Variants in NKTR observed in about 807,000 individuals in gnomAD.
NKTR encodes the protein natural killer cell triggering receptor.
NKTR carries 67 observed loss-of-function variants against 156.3 expected under a neutral mutation model. The ratio of observed to expected loss-of-function variants is 0.43; its 90% CI spans 0.35 to 0.53. The LOEUF (loss-of-function observed/expected upper bound fraction) is 0.53. Ranked by LOEUF, NKTR falls within the 20% of genes least tolerant of loss-of-function variation. The pLI is 0.01. For missense variants in NKTR, 1,604 were observed against 1,730.9 expected, an observed-to-expected ratio of 0.93 and a Z score of 1.30; for synonymous variants, 640 against 596.6, an observed-to-expected ratio of 1.07 and a Z score of -1.06.
intron 13 of NKTR, among the ~76,000 whole-genome samples, chr3:42,642,181 CTTAA>C (rs1709944250): frequency 6.6e-6 from 1 of 152,062 alleles, no homozygotes; most frequent in South Asian, 2.1e-4. Context: ...ATATCTCTAC[CTTAA>C]TGTTTTTTTA....
intron 6 of NKTR, chr3:42,630,254 T>G: frequency 8.6e-7 from 1 of 1,164,406 alleles, no homozygotes; most frequent in Non-Finnish European, 1.1e-6. Flanking sequence ...TTTATGTGTA[T>G]TCATGCTGTG....
intron 2 of NKTR, among the ~76,000 whole-genome samples, chr3:42,611,623 C>T (rs1308703491): frequency 6.6e-6 from 1 of 151,660 alleles, no homozygotes; most frequent in Non-Finnish European, 1.5e-5. Flanking sequence ...ATCCTAGCTA[C>T]TCGGGAGGCT....
rs766597913 is a variant in NKTR at position 42,642,551 on chromosome 3, G to A, written c.4097G>A (p.Arg1366Gln). 3.7e-6 allele frequency: 6 copies of A among 1,614,142 alleles called. No homozygotes were observed. The highest frequency in any genetic ancestry group is 1.1e-5 in the South Asian group (1 of 91,076). Residue 1366 changes from arginine (R) to glutamine (Q), a missense_variant, in exon 14 of 17, where the codon CGA (arginine) becomes CAA (glutamine). Physicochemically the swap from Arg to Gln is conservative, Grantham distance 43. Around this residue, in one of 6 missense-constraint regions of NKTR, gnomAD observed 193 missense variants for 220.2 expected, o/e 0.88. Coordinates refer to ENST00000232978, the MANE Select transcript of NKTR (RefSeq NM_005385.4). ...SRSRGWYSRGRTRSRSSSYRS... is the reference protein window; with the variant it reads ...SRSRGWYSRGQTRSRSSSYRS... ...AGCAGAGGATGGTACAGCAGAGGCC[G>A]AACCAGAAGCCGGAGCAGTTCCTAC...
chr3:42,632,866 C>G, intron 9 of NKTR, 43 bp downstream of exon 9: 1 of 1,458,094 alleles, frequency 6.9e-7, no homozygotes, highest in Non-Finnish European at 9.1e-7. Context: ...AAAACAAACA[C>G]TCTGGAATGG....
At chr3:42,609,933 A>G (rs1404763649) in intron 2 of NKTR, among the ~76,000 whole-genome samples, 2 of 152,180 alleles carry the variant, frequency 1.3e-5, no homozygotes, top group African/African-American at 4.8e-5. Flanking sequence ...TAATGTTTCA[A>G]ATGGTGATAA....
intron 2 of NKTR, chr3:42,603,193 C>G (rs1364303148): frequency 7.1e-6 from 1 of 141,836 alleles, no homozygotes; most frequent in Admixed American, 6.8e-5. Flanking sequence ...TAGCAAGACC[C>G]TGTCTACAAA....
chr3:42,618,662 G>C (rs898513023), intron 3 of NKTR, among the ~76,000 whole-genome samples: 1 of 152,006 alleles, frequency 6.6e-6, no homozygotes, highest in African/African-American at 2.4e-5. Context: ...TGGCCAAGCT[G>C]ATTTCAAACT....
At chr3:42,634,900 A>G in intron 11 of NKTR, 200 bp downstream of exon 11, 1 of 491,238 alleles carries the variant, frequency 2.0e-6, no homozygotes, top group Admixed American at 3.8e-5. Context: ...GTATGAAAGG[A>G]GGAACATGTG....
In NKTR at chr3:42,647,286, GT is replaced by G. The variant is rs1559601517; in HGVS notation, c.*1312del. ...AAAACTAGTGTGTGTGTGTGTGTGT[GT>G]GTGTGTGTGTGTGTGGTTTTTTTTT... On this transcript the variant is annotated 3_prime_UTR_variant, in exon 17 of 17. Transcript: ENST00000232978. 8 of 113,024 alleles carry G rather than the reference GT, an allele frequency of 7.1e-5. No individual in the cohort carries two copies. The highest frequency in any genetic ancestry group is 3.5e-4 in the African/African-American group (7 of 20,032). 7.0% of individuals were successfully genotyped at this position (113,024 alleles called of 1,614,324 possible).
Position 42,633,588 on chromosome 3 carries a change from A to G in NKTR, c.782A>G (p.Glu261Gly), listed in dbSNP as rs745434637. ...ACTTGGTTTGTTCTAAGTCACTCTG[A>G]GAGGAGTGATACCAATGAAAAAAGG... ...KHAMNPKGHS[E>G]RSDTNEKRSV... The change falls in exon 10 of 17, where the codon GAG becomes GGG. Residue 261 changes from glutamate to glycine, a missense_variant. By Grantham distance (98) the Glu-to-Gly change is moderately conservative. This residue lies in a region of NKTR where 1,255 missense variants were observed against 1,243.7 expected (regional missense o/e 1.01). Transcript: ENST00000232978. 2 of 1,613,242 alleles carry G rather than the reference A, an allele frequency of 1.2e-6. No individual in the cohort carries two copies. Among genetic ancestry groups the G allele is most frequent in the Non-Finnish European group, 1.7e-6 (2 of 1,179,268 alleles).
At chr3:42,610,286 G>A (rs6771105) in intron 2 of NKTR, among the ~76,000 whole-genome samples, 20,639 of 152,022 alleles carry the variant, frequency 0.14, 1,778 homozygotes, top group African/African-American at 0.23. Flanking sequence ...GATTATAGGC[G>A]TGAGCTACCA....
chr3:42,627,908 A>G, intron 6 of NKTR: 1 of 985,304 alleles, frequency 1.0e-6, no homozygotes, highest in Non-Finnish European at 1.2e-6. Context: ...AAGATTTTGA[A>G]AGATTAAGAG....
In NKTR at chr3:42,639,898, T is replaced by TTGTGTGATTCA. The variant is rs1709735177; in HGVS notation, c.4046+148_4046+149insTGTGTGATTCA. On this transcript the variant is annotated intron_variant, in intron 13 of 16. Coordinates refer to ENST00000232978, the MANE Select transcript of NKTR (RefSeq NM_005385.4). ...GTTTTGTGTGATTCAGAGAGTAGAT[T>TTGTGTGATTCA]GAAAACTTAGGGAGAGGGAATTTCA... The TTGTGTGATTCA allele has an allele frequency of 8.7e-6, 6 of 689,176 alleles. No homozygotes were observed. The Admixed American group carries it at 1.9e-4, about 21-fold the overall frequency. 42.7% of individuals were successfully genotyped at this position (689,176 alleles called of 1,614,324 possible).
intron 3 of NKTR, among the ~76,000 whole-genome samples, 181 bp downstream of exon 3, chr3:42,617,825 A>G (rs1707521918): frequency 6.6e-6 from 1 of 152,074 alleles, no homozygotes; most frequent in African/African-American, 2.4e-5. Context: ...TAAGGGGAAG[A>G]GATTAGAAAG....
intron 13 of NKTR, among the ~76,000 whole-genome samples, chr3:42,642,286 A>G (rs908716633): frequency 3.3e-5 from 5 of 152,026 alleles, no homozygotes; most frequent in East Asian, 1.9e-4. Context: ...ACTTGTGCCA[A>G]TCTTTTCTTG....
At chr3:42,619,731 CTT>C (rs1707730520) in intron 5 of NKTR, 23 bp downstream of exon 5, 1 of 1,607,022 alleles carries the variant, frequency 6.2e-7, no homozygotes, top group Non-Finnish European at 8.5e-7. Context: ...ATTTTACGGT[CTT>C]TTGTTTCAGT....
intron 6 of NKTR, chr3:42,627,727 A>G (rs2125797909): frequency 1.0e-6 from 1 of 983,488 alleles, no homozygotes; most frequent in Non-Finnish European, 1.2e-6. Context: ...GAAAGGTTTT[A>G]CAATTTGAAA....
chr3:42,605,724 T>C (rs1364558122), intron 2 of NKTR, among the ~76,000 whole-genome samples: 1 of 152,338 alleles, frequency 6.6e-6, no homozygotes, highest in Non-Finnish European at 1.5e-5. Context: ...AAGGTCACCC[T>C]GGGTCATAAG....
chr3:42,636,074 C>T (rs557723556), intron 12 of NKTR, among the ~76,000 whole-genome samples: 4 of 152,276 alleles, frequency 2.6e-5, no homozygotes, highest in Middle Eastern at 3.4e-3. Context: ...CATCTCTTAC[C>T]TTCAGTGATG....
Sources: allele counts gnomAD v4.1 joint callset (sites outside exome capture counted in the v4.1 genomes callset), GRCh38; gene constraint gnomAD v4.1.1; regional missense constraint gnomAD v4.1.1; transcripts MANE v1.5; gene names NCBI Gene and HGNC (gene_info 2026-07-23, HGNC 2026-07-21).